The following TMEM184B variants were observed in gnomAD, a reference collection of about 807,000 sequenced individuals.
TMEM184B encodes transmembrane protein 184B, also known as putative MAPK-activating protein FM08.
Under a neutral mutation model 41.8 loss-of-function variants are expected in TMEM184B, and 17 were observed. The observed-to-expected ratio is 0.41, with a 90% CI of 0.28 to 0.61. The LOEUF (loss-of-function observed/expected upper bound fraction) is 0.61. TMEM184B is among the 20% of genes least tolerant of loss of function. The pLI is 0.34. For synonymous variants in TMEM184B, 240 were observed against 229.5 expected (o/e 1.05, Z -0.41); for missense variants, 393 against 557.8 (o/e 0.70, Z 2.98).
intron 1 of TMEM184B, chr22:38,272,422 A>T: frequency 3.1e-6 from 3 of 968,116 alleles, no homozygotes; most frequent in Non-Finnish European, 3.7e-6. Context: ...CTCACGACGC[A>T]GCCCCGAAAG....
At chr22:38,256,216 CT>C (rs34076108) in intron 1 of TMEM184B, among the ~76,000 whole-genome samples, 159 of 144,404 alleles carry the variant, frequency 1.1e-3, no homozygotes, top group Non-Finnish European at 1.2e-3. Context: ...CCCAGGGGAC[CT>C]TTTTTTTTTT....
intron 3 of TMEM184B, among the ~76,000 whole-genome samples, chr22:38,238,125 T>A (rs575360230): frequency 6.6e-5 from 10 of 151,946 alleles, no homozygotes; most frequent in African/African-American, 2.2e-4. Flanking sequence ...TATCCTCTGC[T>A]GATCATGCTT....
chr22:38,235,585 T>A lies in TMEM184B; in HGVS notation c.359-4251A>T, dbSNP rs2267379. Reference sequence around the variant, plus strand: ...CTGTAAAGTACCAATTTGCTGACAGTTCCCTTTAAACAATCATTAGTGAGT... The same window carrying A: ...CTGTAAAGTACCAATTTGCTGACAGATCCCTTTAAACAATCATTAGTGAGT... On this transcript the variant is annotated intron_variant, in intron 3 of 8. Transcript: ENST00000361906. Among the ~76,000 whole-genome samples, 119 of 152,278 alleles carry A rather than the reference T, an allele frequency of 7.8e-4. 3 individuals carry two copies. In the East Asian group the frequency reaches 0.02, roughly 26 times the overall value.
At chr22:38,258,599 C>T (rs765956388) in intron 1 of TMEM184B, among the ~76,000 whole-genome samples, 8 of 152,026 alleles carry the variant, frequency 5.3e-5, no homozygotes, top group South Asian at 2.1e-4. Flanking sequence ...CGTGCCCAGC[C>T]GAATTTTTCA....
chr22:38,240,316 A>G (rs1379998019), intron 3 of TMEM184B, among the ~76,000 whole-genome samples: 1 of 152,174 alleles, frequency 6.6e-6, no homozygotes, highest in Non-Finnish European at 1.5e-5. Flanking sequence ...AAGAATGGAG[A>G]GAGCTACTGA....
downstream of TMEM184B, among the ~76,000 whole-genome samples, chr22:38,217,855 AAAG>A (rs946051865): frequency 3.4e-4 from 46 of 136,426 alleles, no homozygotes; most frequent in African/African-American, 1.7e-3. Flanking sequence ...AAAGAAAAGA[AAAG>A]AAAAGAAAAC....
chr22:38,269,163 T>C (rs2092485320), intron 1 of TMEM184B, among the ~76,000 whole-genome samples: 1 of 152,200 alleles, frequency 6.6e-6, no homozygotes. Context: ...TCTCTCTGGG[T>C]CACCAGAACT....
chr22:38,231,538 A>G, intron 3 of TMEM184B: 1 of 694,256 alleles, frequency 1.4e-6, no homozygotes, highest in Admixed American at 2.0e-5. Context: ...AACCCGGCAC[A>G]CCTAAATTAT....
intron 2 of TMEM184B, 27 bp downstream of exon 2, chr22:38,247,743 T>C (rs1489929444): frequency 6.3e-7 from 1 of 1,598,866 alleles, no homozygotes; most frequent in Non-Finnish European, 8.5e-7. Flanking sequence ...TGGACCTTTC[T>C]AGAGGCCCCT....
At chr22:38,245,909 C>CCCCCCA in intron 3 of TMEM184B, 26 bp downstream of exon 3, 1 of 1,557,698 alleles carries the variant, frequency 6.4e-7, no homozygotes, top group Non-Finnish European at 8.8e-7. Flanking sequence ...CCCCGCCAGC[C>CCCCCCA]CTCCCCACTC....
chr22:38,223,456 T>C (rs2091323444), intron 8 of TMEM184B: 2 of 152,426 alleles, frequency 1.3e-5, no homozygotes, highest in African/African-American at 4.8e-5. Flanking sequence ...TGGCAACCCC[T>C]GGCCTTTGTG....
At chr22:38,261,816 C>T (rs992749687) in intron 1 of TMEM184B, among the ~76,000 whole-genome samples, 1 of 152,194 alleles carries the variant, frequency 6.6e-6, no homozygotes, top group East Asian at 1.9e-4. Context: ...ACCAGGATCC[C>T]TGTACCTGCT....
rs563606393 is a variant in TMEM184B, at chr22:38,226,945, C to T, written c.526-75G>A. 56 of 1,430,736 alleles carry T rather than the reference C, an allele frequency of 3.9e-5. No homozygotes were observed. In the African/African-American group the frequency reaches 4.1e-4, roughly 10 times the overall value. The allele number at this position is 1,430,736 out of a possible 1,614,324, so 88.6% of individuals were successfully genotyped here. A position where few individuals can be genotyped will look rare whatever the true frequency, so the allele number is the denominator to read the frequency against. On this transcript the variant is annotated intron_variant, in intron 5 of 8. Transcript: ENST00000361906. The surrounding 1 kb of genome is among the most constrained non-coding windows in gnomAD (Gnocchi z 4.6). ...TGAAGCAAGCCCTGCCTCTGGCAGACGGAACTGTACCGGATGGAGGGACAG... is the reference window on the plus strand; with the variant it reads ...TGAAGCAAGCCCTGCCTCTGGCAGATGGAACTGTACCGGATGGAGGGACAG...
Position 38,219,946 on chromosome 22 carries a change from C to A in TMEM184B, c.*1523G>T, listed in dbSNP as rs2091214373. 2.0e-6 allele frequency: 2 copies of A among 985,410 alleles called. No individual in the cohort carries two copies. The highest frequency in any genetic ancestry group is 9.4e-5 in the South Asian group (2 of 21,278). The allele number at this position is 985,410 out of a possible 1,614,324, so 61.0% of individuals were successfully genotyped here. A position where few individuals can be genotyped will look rare whatever the true frequency, so the allele number is the denominator to read the frequency against. On this transcript the variant is annotated 3_prime_UTR_variant, in exon 9 of 9. Coordinates refer to ENST00000361906, the MANE Select transcript of TMEM184B (RefSeq NM_012264.5). ...GGCCAGGAAGACGGCTGGGCCCCAA[C>A]TCTCCTCACAGGTGGCAGGGAGGGA... is the stretch of plus-strand genomic sequence containing the variant.
intron 3 of TMEM184B, among the ~76,000 whole-genome samples, chr22:38,245,159 G>A (rs984572760): frequency 2.6e-5 from 4 of 152,186 alleles, no homozygotes; most frequent in Non-Finnish European, 2.9e-5. Context: ...CCCCAGCCCT[G>A]CCACTGACTT....
intron 3 of TMEM184B, among the ~76,000 whole-genome samples, chr22:38,234,049 G>A (rs1410952444): frequency 1.3e-5 from 2 of 150,398 alleles, no homozygotes; most frequent in African/African-American, 2.5e-5. Context: ...GATGACAGGC[G>A]TGAGCCACCG....
chr22:38,247,638 A>T, intron 2 of TMEM184B, 132 bp downstream of exon 2: 1 of 1,173,738 alleles, frequency 8.5e-7, no homozygotes, highest in African/African-American at 1.5e-5. Context: ...ACTTCTATCG[A>T]GGGAAGCCTC....
In TMEM184B at chr22:38,247,933, G is replaced by C. The variant is rs1480524769; in HGVS notation, c.29C>G (p.Pro10Arg). The C allele has an allele frequency of 1.3e-6, 2 of 1,591,718 alleles. No homozygotes were observed. Among genetic ancestry groups the C allele is most frequent in the Non-Finnish European group, 1.7e-6 (2 of 1,173,516 alleles). MTVRGDVLAPDPASPTTAAA... is the reference protein window; with the variant it reads MTVRGDVLARDPASPTTAAA... ...TGCGGTCGTGGGCGACGCTGGATCC[G>C]GGGCCAGCACATCCCCCCTCACTGT... Residue 10 changes from proline to arginine, a missense_variant, in exon 2 of 9, where the codon CCG becomes CGG. Physicochemically the swap from Pro to Arg is moderately radical, Grantham distance 103 (BLOSUM62 -2). This residue lies in a region of TMEM184B where 122 missense variants were observed against 123.7 expected (regional missense o/e 0.99). Transcript: ENST00000361906.
Position 38,225,414 on chromosome 22 carries a change from G to A in TMEM184B, c.787+10C>T, listed in dbSNP as rs2091404002. 2 of 1,548,238 alleles carry A rather than the reference G, an allele frequency of 1.3e-6. No individual in the cohort carries two copies. Among genetic ancestry groups the A allele is most frequent in the East Asian group, 2.4e-5 (1 of 42,474 alleles). ...CATGGGCAGCCTCCAGGTGCTGGGA[G>A]GGGGCTCACCTTGCCAGAAGGAAAG... On this transcript the variant is annotated intron_variant, in intron 7 of 8. Coordinates refer to ENST00000361906, the MANE Select transcript of TMEM184B (RefSeq NM_012264.5). This position sits in a 1 kb window ranked among gnomAD's most constrained non-coding sequence, Gnocchi z 4.4.
Sources: gnomAD v4.1 joint callset for allele counts (sites outside exome capture counted in the v4.1 genomes callset) on GRCh38, gnomAD v4.1.1 for gene constraint, gnomAD v4.1.1 regional missense constraint, Gnocchi (gnomAD v3.1) non-coding constraint, MANE v1.5 for transcripts, NCBI Gene and HGNC (gene_info 2026-07-23, HGNC 2026-07-21) for gene names.